SGCD: variants seen among roughly 807,000 people sequenced by gnomAD.
SGCD encodes the protein delta-sarcoglycan.
In SGCD, 18 loss-of-function variants were observed where a neutral mutation model predicts 36.6. The ratio of observed to expected loss-of-function variants is 0.49; its 90% CI spans 0.34 to 0.73. The LOEUF is 0.73. SGCD is among the 30% of genes least tolerant of loss of function. SGCD has a pLI of 0.01. For synonymous variants in SGCD, 133 were observed against 130.6 expected (o/e 1.02, Z -0.12); for missense variants, 387 against 346.7 (o/e 1.12, Z -0.92).
At chr5:156,562,624 T>TTA (rs918817144) in intron 4 of SGCD, among the ~76,000 whole-genome samples, 5 of 151,800 alleles carry the variant, frequency 3.3e-5, no homozygotes, top group African/African-American at 7.2e-5. Flanking sequence ...AGTATTTGAC[T>TTA]TATATATATA....
At chr5:155,941,261 G>C (rs1757320615) in intron 1 of SGCD, among the ~76,000 whole-genome samples, 1 of 152,166 alleles carries the variant, frequency 6.6e-6, no homozygotes, top group Non-Finnish European at 1.5e-5. Flanking sequence ...TATTATGCCT[G>C]ATCTCCCACA....
At chr5:156,614,945 C>T (rs746397147) in intron 6 of SGCD, among the ~76,000 whole-genome samples, 2 of 152,086 alleles carry the variant, frequency 1.3e-5, no homozygotes, top group African/African-American at 4.8e-5. Context: ...TTCACATGAA[C>T]GAAAAATGTT....
intron 4 of SGCD, among the ~76,000 whole-genome samples, chr5:156,563,256 A>G (rs1351777645): frequency 6.6e-6 from 1 of 152,228 alleles, no homozygotes; most frequent in African/African-American, 2.4e-5. Flanking sequence ...TGCTGGGATT[A>G]CAGGCGTGAG....
chr5:156,027,244 G>T (rs1273197055), intron 1 of SGCD, among the ~76,000 whole-genome samples: 2 of 152,140 alleles, frequency 1.3e-5, no homozygotes, highest in Non-Finnish European at 2.9e-5. Context: ...TTCTTCTGGT[G>T]TATTATCTAT....
In SGCD at chr5:156,762,028, AC is replaced by A. The variant is rs1339648510; in HGVS notation, c.*2639del. 3 of 152,622 alleles carry A rather than the reference AC, an allele frequency of 2.0e-5. No individual in the cohort carries two copies. Among genetic ancestry groups the A allele is most frequent in the Admixed American group, 1.3e-4 (2 of 15,278 alleles). The allele number at this position is 152,622 out of a possible 1,614,324, so 9.5% of individuals were successfully genotyped here. On this transcript the variant is annotated 3_prime_UTR_variant, in exon 9 of 9. Transcript: ENST00000337851. ...GTATGCATTATAAGTTTCTCAATGTACATCTTTTTATCCCAACACCCTCAAA... is the reference window on the plus strand; with the variant it reads ...GTATGCATTATAAGTTTCTCAATGTAATCTTTTTATCCCAACACCCTCAAA...
At chr5:156,588,373 G>T (rs922232989) in intron 4 of SGCD, among the ~76,000 whole-genome samples, 1 of 151,958 alleles carries the variant, frequency 6.6e-6, no homozygotes, top group Admixed American at 6.6e-5. Context: ...CATTTTCCAT[G>T]AATAATATTT....
chr5:156,435,557 G>T (rs752496057), intron 3 of SGCD, among the ~76,000 whole-genome samples: 3 of 152,190 alleles, frequency 2.0e-5, no homozygotes, highest in African/African-American at 7.2e-5. Context: ...GTGCTATTTA[G>T]ATATCAGCTG....
chr5:155,731,107 G>A, the SGCD span, among the ~76,000 whole-genome samples: 3 of 152,072 alleles, frequency 2.0e-5, no homozygotes, highest in Admixed American at 6.5e-5. Flanking sequence ...AGAAAAAGGA[G>A]AAAGACAGAG....
chr5:155,815,516 T>C, the SGCD span, among the ~76,000 whole-genome samples: 1 of 152,220 alleles, frequency 6.6e-6, no homozygotes. Flanking sequence ...TGTAAAGAAC[T>C]ACCTGAGACT....
intron 3 of SGCD, among the ~76,000 whole-genome samples, chr5:156,226,216 C>T (rs544731908): frequency 5.9e-5 from 9 of 152,094 alleles, no homozygotes; most frequent in African/African-American, 1.9e-4. Context: ...TCCCTCACCC[C>T]GACTCCCGCC....
intron 6 of SGCD, among the ~76,000 whole-genome samples, chr5:156,636,708 A>G (rs571736885): frequency 2.0e-5 from 3 of 152,288 alleles, no homozygotes; most frequent in African/African-American, 7.2e-5. Context: ...ACCCAGCCCC[A>G]CTCAGCAGTC....
intron 1 of SGCD, among the ~76,000 whole-genome samples, chr5:155,876,484 C>G (rs1755770911): frequency 6.6e-6 from 1 of 151,970 alleles, no homozygotes; most frequent in Non-Finnish European, 1.5e-5. Context: ...TCTAAAGTGC[C>G]TCAAATCAAC....
intron 3 of SGCD, among the ~76,000 whole-genome samples, chr5:156,185,509 T>A (rs145658172): frequency 2.0e-5 from 3 of 152,052 alleles, no homozygotes; most frequent in South Asian, 2.1e-4. Flanking sequence ...CCACCGCGCC[T>A]GGCCTCTTTT....
Position 156,767,447 on chromosome 5 carries a change from G to T in SGCD, c.*8057G>T, listed in dbSNP as rs1757612705. 6.7e-6 allele frequency: 1 copy of T among 148,958 alleles called. No individual in the cohort carries two copies. The highest frequency in any genetic ancestry group is 2.5e-5 in the African/African-American group (1 of 40,260). 9.2% of individuals were successfully genotyped at this position (148,958 alleles called of 1,614,324 possible). ...GGATTCTGATGTTCTTAACCAAAATGGTGAGGTCATGGAAGTCCCATTTGC... is the reference window on the plus strand; with the variant it reads ...GGATTCTGATGTTCTTAACCAAAATTGTGAGGTCATGGAAGTCCCATTTGC... On this transcript the variant is annotated 3_prime_UTR_variant, in exon 9 of 9. Transcript: ENST00000337851.
At chr5:156,733,850 C>G (rs1756207686) in intron 7 of SGCD, among the ~76,000 whole-genome samples, 1 of 152,136 alleles carries the variant, frequency 6.6e-6, no homozygotes, top group African/African-American at 2.4e-5. Flanking sequence ...GACTTTCCTC[C>G]ATCCCTTTAT....
intron 3 of SGCD, among the ~76,000 whole-genome samples, chr5:156,296,523 C>T (rs753186950): frequency 7.2e-5 from 11 of 152,076 alleles, no homozygotes; most frequent in Admixed American, 2.0e-4. Flanking sequence ...TTTTCTAATG[C>T]CTCTTGTGAT....
Position 155,953,412 on chromosome 5 carries a change from G to C in SGCD, c.-282+82988G>C, listed in dbSNP as rs75291054. Among the ~76,000 whole-genome samples the C allele has an allele frequency of 3.3e-5, 5 of 152,244 alleles. No individual in the cohort carries two copies. The East Asian group carries it at 9.6e-4, about 29-fold the overall frequency. On this transcript the variant is annotated intron_variant, in intron 1 of 9. Transcript: ENST00000517913. The stretch of plus-strand genomic sequence containing the variant: ...ATTCATCTACACATTGTCTATCTCT[G>C]TTTCTGCTTTATTATGGCACAGTTG...
intron 4 of SGCD, among the ~76,000 whole-genome samples, chr5:156,510,573 G>A (rs754832431): frequency 4.6e-5 from 7 of 151,840 alleles, no homozygotes; most frequent in Non-Finnish European, 4.4e-5. Flanking sequence ...TTCTGTAAAG[G>A]GCCAGAAAGT....
chr5:156,563,133 A>G (rs1280261886), intron 4 of SGCD, among the ~76,000 whole-genome samples: 2 of 151,892 alleles, frequency 1.3e-5, no homozygotes, highest in Non-Finnish European at 2.9e-5. Flanking sequence ...GCATGCCCAC[A>G]ACCTCACCTG....
Sources: allele counts gnomAD v4.1 joint callset (sites outside exome capture counted in the v4.1 genomes callset), GRCh38; gene constraint gnomAD v4.1.1; transcripts MANE v1.5; gene names NCBI Gene and HGNC (gene_info 2026-07-23, HGNC 2026-07-21).